Variants in POMZP3 observed in about 807,000 individuals in gnomAD.
The protein encoded by POMZP3 is POM121 and ZP3 fusion.
POMZP3 carries 10 observed loss-of-function variants against 19.8 expected under a neutral mutation model. That is an observed-to-expected ratio of 0.51 (90% CI 0.31 to 0.86). The LOEUF is 0.86. Among genes scored for constraint, POMZP3 ranks in the 40% least tolerant of loss-of-function variants. POMZP3 has a pLI of 0.04. For missense variants in POMZP3, 152 were observed against 228.1 expected (o/e 0.67, Z 2.15); for synonymous variants, 57 against 85.8 (o/e 0.66, Z 1.85).
intron 1 of POMZP3, 81 bp from the exon 2 acceptor site, chr7:76,626,296 A>C: frequency 7.6e-7 from 1 of 1,315,140 alleles, no homozygotes; most frequent in Non-Finnish European, 1.0e-6. Context: ...CCCACCAGTT[A>C]AGACATTTTC....
intron 3 of POMZP3, among the ~76,000 whole-genome samples, chr7:76,624,514 C>T (rs962084430): frequency 1.3e-5 from 2 of 151,638 alleles, no homozygotes; most frequent in African/African-American, 2.4e-5. Flanking sequence ...GGCATGGTCT[C>T]GGCTCGCTGC....
rs550599287 is a variant in POMZP3, at chr7:76,612,908, G to A, written c.346-1095C>T. ...TGTGGAGTTTCCATTTCAGACTTAA[G>A]AGGTTTTTTTTTTGTTTTTTTTTTT... On this transcript the variant is annotated intron_variant, in intron 4 of 6. Coordinates refer to ENST00000310842, the MANE Select transcript of POMZP3 (RefSeq NM_012230.5). Among the ~76,000 whole-genome samples the A allele has an allele frequency of 1.3e-3, 105 of 80,390 alleles. 34 individuals are homozygous for A. Among genetic ancestry groups the A allele is most frequent in the African/African-American group, 6.7e-3 (99 of 14,850 alleles). 52.7% of individuals were successfully genotyped at this position (80,390 alleles called of 152,430 possible).
At chr7:76,623,265 A>C (rs1312634118) in intron 3 of POMZP3, among the ~76,000 whole-genome samples, 1 of 151,204 alleles carries the variant, frequency 6.6e-6, no homozygotes, top group Non-Finnish European at 1.5e-5. Flanking sequence ...CAGTCTTATG[A>C]CTCTTTAATG....
chr7:76,610,677 G>A (rs1472263549), intron 6 of POMZP3, among the ~76,000 whole-genome samples: 4 of 150,388 alleles, frequency 2.7e-5, no homozygotes, highest in Non-Finnish European at 5.9e-5. Context: ...GAAGAAAAAA[G>A]AAAAAGACAG....
intron 3 of POMZP3, among the ~76,000 whole-genome samples, chr7:76,624,765 C>T (rs1033772869): frequency 6.6e-6 from 1 of 151,426 alleles, no homozygotes; most frequent in African/African-American, 2.4e-5. Context: ...GTTTTAATCT[C>T]ATTACTGATA....
chr7:76,617,742 G>T (rs1815334436), intron 4 of POMZP3, among the ~76,000 whole-genome samples: 1 of 97,514 alleles, frequency 1.0e-5, no homozygotes. Context: ...AGGTGCAGTG[G>T]CACAATCTCT....
At position 76,623,400 on chromosome 7, in the gene POMZP3, G is replaced by C. The variant is rs199598898; in HGVS notation, c.227+2122C>G. Among the ~76,000 whole-genome samples the C allele has an allele frequency of 4.0e-5, 6 of 150,122 alleles. No individual in the cohort carries two copies. The East Asian group carries it at 5.9e-4, about 15-fold the overall frequency. ...AATGCTTAATTATAACTCTATTTCTGTCCAGAACCCAGCATGCAGTTCTTG... is the reference window on the plus strand; with the variant it reads ...AATGCTTAATTATAACTCTATTTCTCTCCAGAACCCAGCATGCAGTTCTTG... On this transcript the variant is annotated intron_variant, in intron 3 of 6. Transcript: ENST00000310842.
intron 6 of POMZP3, among the ~76,000 whole-genome samples, 169 bp downstream of exon 6, chr7:76,611,285 C>T (rs1247855050): frequency 2.0e-5 from 3 of 146,580 alleles, no homozygotes; most frequent in African/African-American, 7.5e-5. Context: ...AGGCTGAGAG[C>T]CCCCTCCTGC....
rs1215730409 is a variant in POMZP3, at chr7:76,626,748, G to C, written c.-192C>G. 1.4e-6 allele frequency: 2 copies of C among 1,391,540 alleles called. No homozygotes were observed. Among genetic ancestry groups the C allele is most frequent in the East Asian group, 5.7e-5 (2 of 34,960 alleles). 86.2% of individuals were successfully genotyped at this position (1,391,540 alleles called of 1,614,324 possible). On this transcript the variant is annotated 5_prime_UTR_variant, in exon 1 of 7. Transcript: ENST00000310842. ...CCGGAGGGTCGGAGAAGAGGAGTGGGGAGAGAGGGGTAAAAGTGGTGAACG... is the reference window on the plus strand; with the variant it reads ...CCGGAGGGTCGGAGAAGAGGAGTGGCGAGAGAGGGGTAAAAGTGGTGAACG...
intron 2 of POMZP3, 123 bp from the exon 3 acceptor site, chr7:76,625,806 A>G (rs1164336888): frequency 2.9e-6 from 4 of 1,381,488 alleles, no homozygotes; most frequent in Middle Eastern, 1.9e-4. Flanking sequence ...AGTTCCCCTT[A>G]GCAAGTAAAG....
chr7:76,620,414 G>A (rs1330175279), intron 3 of POMZP3, among the ~76,000 whole-genome samples: 16 of 142,188 alleles, frequency 1.1e-4, no homozygotes, highest in African/African-American at 3.5e-4. Flanking sequence ...AATGAACGGT[G>A]AGCACACGTA....
intron 4 of POMZP3, among the ~76,000 whole-genome samples, chr7:76,613,446 G>C (rs1197544302): frequency 7.6e-6 from 1 of 131,508 alleles, no homozygotes; most frequent in African/African-American, 2.7e-5. Context: ...CCTGCTGGGA[G>C]CTGAAGGACC....
At chr7:76,610,241 G>C (rs374515339) in intron 6 of POMZP3, 26 bp from the exon 7 acceptor site, 1 of 1,613,746 alleles carries the variant, frequency 6.2e-7, no homozygotes, top group Non-Finnish European at 8.5e-7. Context: ...ACACAACCAA[G>C]GGTCATCTTA....
intron 3 of POMZP3, among the ~76,000 whole-genome samples, chr7:76,619,356 C>T (rs148178140): frequency 0.053 from 8,076 of 151,750 alleles, 548 homozygotes; most frequent in African/African-American, 0.18. Flanking sequence ...CCATTGCACT[C>T]CAGCCTGGGC....
In POMZP3 at chr7:76,622,218, C is replaced by T. The variant is rs201865094; in HGVS notation, c.227+3304G>A. Among the ~76,000 whole-genome samples, 1,831 of 151,816 alleles carry T rather than the reference C, an allele frequency of 0.012. 7 individuals are homozygous for T. The East Asian group carries it at 0.12, about 10-fold the overall frequency. On this transcript the variant is annotated intron_variant, in intron 3 of 6. Transcript: ENST00000310842. ...GTAACCAGCCACCCTCGGGGCTGCTCTGTCTATGGAATGGTCATTCTTTCA... is the reference window on the plus strand; with the variant it reads ...GTAACCAGCCACCCTCGGGGCTGCTTTGTCTATGGAATGGTCATTCTTTCA...
In POMZP3 at chr7:76,626,170, T is replaced by A; in HGVS notation, c.-106A>T. 2 of 1,592,730 alleles carry A rather than the reference T, an allele frequency of 1.3e-6. No homozygotes were observed. Among genetic ancestry groups the A allele is most frequent in the Admixed American group, 3.6e-5 (2 of 56,148 alleles). On this transcript the variant is annotated 5_prime_UTR_variant, in exon 2 of 7. Coordinates refer to ENST00000310842, the MANE Select transcript of POMZP3 (RefSeq NM_012230.5). ...ACTGGGCCTGATGGATCGGATAGCG[T>A]CTTCGAGGTGTTATTACAAACCGAT...
rs1240736190 is a variant in POMZP3 at position 76,614,137 on chromosome 7, C to A, written c.346-2324G>T. 3.2e-5 allele frequency among the ~76,000 whole-genome samples: 3 copies of A among 95,114 alleles called. 1 individual carries two copies. Among genetic ancestry groups the A allele is most frequent in the Non-Finnish European group, 6.8e-5 (3 of 43,860 alleles). The allele number at this position is 95,114 out of a possible 152,430, so 62.4% of individuals were successfully genotyped here. ...CTGCAAGTAAGAAGCTTCCAAGGCCCTGTTGTCTATTCCACAAAGGAAATG... is the reference window on the plus strand; with the variant it reads ...CTGCAAGTAAGAAGCTTCCAAGGCCATGTTGTCTATTCCACAAAGGAAATG... On this transcript the variant is annotated intron_variant, in intron 4 of 6. Transcript: ENST00000310842.
chr7:76,614,991 A>C (rs371739946), intron 4 of POMZP3, among the ~76,000 whole-genome samples: 1 of 117,362 alleles, frequency 8.5e-6, no homozygotes, highest in Admixed American at 8.5e-5. Context: ...GGGATTACAG[A>C]TGTGAACCAC....
chr7:76,618,392 TGG>T, intron 3 of POMZP3, 92 bp from the exon 4 acceptor site: 2 of 1,081,336 alleles, frequency 1.8e-6, no homozygotes, highest in Non-Finnish European at 2.8e-6. Context: ...GAGGCCAAGG[TGG>T]GTGGATCACT....
Sources: gnomAD v4.1 joint callset for allele counts (sites outside exome capture counted in the v4.1 genomes callset) on GRCh38, gnomAD v4.1.1 for gene constraint, MANE v1.5 for transcripts, NCBI Gene and HGNC (gene_info 2026-07-23, HGNC 2026-07-21) for gene names.